NDRG2: variants seen among roughly 807,000 people sequenced by gnomAD.
The protein encoded by NDRG2 is NDRG family member 2.
In NDRG2, 34 loss-of-function variants were observed where a neutral mutation model predicts 58.2. The observed-to-expected ratio is 0.58, with a 90% CI of 0.44 to 0.78. The LOEUF (loss-of-function observed/expected upper bound fraction) is 0.78, where lower values mean the gene tolerates loss of function less well. Among genes scored for constraint, NDRG2 ranks in the 30% least tolerant of loss-of-function variants. The pLI is 0.00. For missense variants in NDRG2, 434 were observed against 471.2 expected, an observed-to-expected ratio of 0.92 and a Z score of 0.73; for synonymous variants, 187 against 175.9, an observed-to-expected ratio of 1.06 and a Z score of -0.50.
chr14:21,026,337 C>T (rs1238221596), upstream of NDRG2, among the ~76,000 whole-genome samples: 1 of 150,756 alleles, frequency 6.6e-6, no homozygotes, highest in East Asian at 2.0e-4. Context: ...GGATCATATC[C>T]ACCCCAACCC....
chr14:21,058,093 C>G lies in NDRG2; in HGVS notation c.24+12735G>C, dbSNP rs374517454. Reference sequence around the variant, plus strand: ...AGTACACAGAACGGTGCAAAGACCTCAACACCTTCCTGCACGAGCCCTTCT... The same window carrying G: ...AGTACACAGAACGGTGCAAAGACCTGAACACCTTCCTGCACGAGCCCTTCT... On this transcript the variant is annotated intron_variant, in intron 1 of 14. Transcript: ENST00000403829. The G allele has an allele frequency of 2.5e-6, 4 of 1,614,038 alleles. No individual in the cohort carries two copies. The African/African-American group carries it at 5.3e-5, about 22-fold the overall frequency.
At chr14:21,063,718 G>A (rs144445968) in intron 1 of NDRG2, among the ~76,000 whole-genome samples, 1 of 152,166 alleles carries the variant, frequency 6.6e-6, no homozygotes. Flanking sequence ...ACAGGCACAG[G>A]TTATGTCTTA....
rs1311894335 is a variant in NDRG2 at position 21,024,342 on chromosome 14, G to A, written c.-319C>T. 1 of 978,260 alleles carries A rather than the reference G, an allele frequency of 1.0e-6. No homozygotes were observed. The highest frequency in any genetic ancestry group is 1.8e-5 in the African/African-American group (1 of 57,088). The allele number at this position is 978,260 out of a possible 1,614,324, so 60.6% of individuals were successfully genotyped here. On this transcript the variant is annotated 5_prime_UTR_variant, in exon 1 of 16. Coordinates refer to ENST00000556147, the MANE Select transcript of NDRG2 (RefSeq NM_001320329.2). ...GAGGAGAGAAGGAAGTGCTGATGTG[G>A]AGGTAAGAGGGTGGCCCTGTCAGAA...
At chr14:21,068,714 A>G (rs1287623031) in intron 1 of NDRG2, among the ~76,000 whole-genome samples, 1 of 152,206 alleles carries the variant, frequency 6.6e-6, no homozygotes, top group African/African-American at 2.4e-5. Context: ...GGGTGTTAGA[A>G]AGAGCTCCAA....
chr14:21,030,355 A>G (rs1883983947), upstream of NDRG2: 2 of 550,848 alleles, frequency 3.6e-6, no homozygotes, highest in Middle Eastern at 4.8e-4. Flanking sequence ...GGTAGGATCC[A>G]CACTGGTATC....
In NDRG2 at chr14:21,055,596, T is replaced by A. The variant is rs183749531; in HGVS notation, c.24+15232A>T. ...CCCTGAGTGAGGCTGGCCAGCTGCA[T>A]GGGCCAGTACCTACTTCAGGGAAAG... is the stretch of plus-strand genomic sequence containing the variant. On this transcript the variant is annotated intron_variant, in intron 1 of 14. Coordinates refer to the NDRG2 transcript ENST00000403829. Among the ~76,000 whole-genome samples the A allele has an allele frequency of 2.0e-5, 3 of 152,282 alleles. No homozygotes were observed. In the East Asian group the frequency reaches 5.8e-4, roughly 29 times the overall value.
chr14:21,057,803 A>C, intron 1 of NDRG2: 1 of 1,150,398 alleles, frequency 8.7e-7, no homozygotes, highest in African/African-American at 1.5e-5. Context: ...TTAGGGTATG[A>C]AATTCTTAGA....
At chr14:21,028,148 C>T (rs1883819904), upstream of NDRG2, among the ~76,000 whole-genome samples, 1 of 152,214 alleles carries the variant, frequency 6.6e-6, no homozygotes, top group African/African-American at 2.4e-5. Context: ...GCTCCTTCCA[C>T]TCCCAAGTAG....
intron 1 of NDRG2, among the ~76,000 whole-genome samples, chr14:21,055,215 T>C (rs969586606): frequency 3.3e-5 from 5 of 152,238 alleles, no homozygotes; most frequent in Admixed American, 1.3e-4. Context: ...ATTCAAGGTT[T>C]CCAGGTACTT....
At chr14:21,040,332 A>T (rs936963187) in intron 1 of NDRG2, among the ~76,000 whole-genome samples, 9 of 151,806 alleles carry the variant, frequency 5.9e-5, no homozygotes, top group Admixed American at 2.0e-4. Flanking sequence ...CTTCATCCTG[A>T]CCCCCAACCC....
At chr14:21,067,735 A>C (rs1281359327) in intron 1 of NDRG2, among the ~76,000 whole-genome samples, 1 of 145,998 alleles carries the variant, frequency 6.8e-6, no homozygotes, top group Non-Finnish European at 1.5e-5. Context: ...CACACGTATC[A>C]ACACATACTC....
At chr14:21,046,613 A>G (rs1885174365) in intron 1 of NDRG2, among the ~76,000 whole-genome samples, 1 of 151,940 alleles carries the variant, frequency 6.6e-6, no homozygotes, top group South Asian at 2.1e-4. Flanking sequence ...CAGAAAGTAC[A>G]GTTGGCTTTT....
chr14:21,059,978 C>T (rs930770033), intron 1 of NDRG2, among the ~76,000 whole-genome samples: 2 of 152,168 alleles, frequency 1.3e-5, no homozygotes, highest in Non-Finnish European at 2.9e-5. Flanking sequence ...TATGCATATA[C>T]ATACAGAGGA....
intron 1 of NDRG2, chr14:21,031,172 G>T (rs1884089127): frequency 6.2e-7 from 1 of 1,612,748 alleles, no homozygotes; most frequent in Non-Finnish European, 8.5e-7. Flanking sequence ...TACTGTGAGT[G>T]ACAGCCTTCA....
chr14:21,030,327 A>G, upstream of NDRG2: 1 of 475,418 alleles, frequency 2.1e-6, no homozygotes. Context: ...GGTAGGGGAA[A>G]GAGAGGATCA....
intron 1 of NDRG2, among the ~76,000 whole-genome samples, chr14:21,064,049 G>A (rs942835315): frequency 6.6e-6 from 1 of 152,262 alleles, no homozygotes; most frequent in African/African-American, 2.4e-5. Context: ...TTTTAAGAGT[G>A]TTTCATGACC....
At chr14:21,022,585 G>T in intron 3 of NDRG2, 88 bp from the exon 4 acceptor site, 1 of 945,030 alleles carries the variant, frequency 1.1e-6, no homozygotes, top group Non-Finnish European at 1.7e-6. Flanking sequence ...CTGGGAGTGG[G>T]TGGGCAAGAG....
chr14:21,047,897 T>C (rs1299756478), intron 1 of NDRG2, among the ~76,000 whole-genome samples: 1 of 152,120 alleles, frequency 6.6e-6, no homozygotes, highest in Non-Finnish European at 1.5e-5. Flanking sequence ...CTAGACACCA[T>C]GAAGAGGGCC....
chr14:21,022,749 C>G (rs971803828), intron 3 of NDRG2, 115 bp downstream of exon 3: 6 of 1,016,976 alleles, frequency 5.9e-6, no homozygotes, highest in Non-Finnish European at 7.3e-6. Context: ...AGGGAAAGGA[C>G]TAGAATAGAA....
Sources: gnomAD v4.1 joint callset for allele counts (sites outside exome capture counted in the v4.1 genomes callset) on GRCh38, gnomAD v4.1.1 for gene constraint, MANE v1.5 for transcripts, NCBI Gene and HGNC (gene_info 2026-07-23, HGNC 2026-07-21) for gene names.